Variants in IMMP1L observed in about 807,000 individuals in gnomAD.
IMMP1L encodes the protein mitochondrial inner membrane protease subunit 1.
IMMP1L carries 24 observed loss-of-function variants against 21.8 expected under a neutral mutation model. That is an observed-to-expected ratio of 1.10 (90% CI 0.80 to 1.55). IMMP1L has a LOEUF of 1.55. Among genes scored for constraint, IMMP1L ranks in the 40% most tolerant of loss-of-function variants. IMMP1L has a pLI of 0.00. For missense variants in IMMP1L, 195 were observed against 200.7 expected (o/e 0.97, Z 0.17); for synonymous variants, 46 against 62.8 (o/e 0.73, Z 1.26).
chr11:31,465,478 C>T (rs900976712), intron 1 of IMMP1L, among the ~76,000 whole-genome samples: 2 of 151,760 alleles, frequency 1.3e-5, no homozygotes, highest in Non-Finnish European at 2.9e-5. Context: ...ACCACAAGAC[C>T]CCAAATAACC....
intron 3 of IMMP1L, among the ~76,000 whole-genome samples, chr11:31,458,945 G>A (rs1954044199): frequency 6.6e-6 from 1 of 152,120 alleles, no homozygotes; most frequent in Non-Finnish European, 1.5e-5. Context: ...GGATGCCCAA[G>A]GATTATTGTG....
At position 31,487,724 on chromosome 11, in the gene IMMP1L, CA is replaced by C. The variant is rs528907903; in HGVS notation, c.-30+21794del. ...TTTAACAGTAAACTAACTTACATTA[CA>C]AAAAAACCCTACACAATTTACAAAA... On this transcript the variant is annotated intron_variant, in intron 1 of 5. Coordinates refer to ENST00000532287, the MANE Select transcript of IMMP1L (RefSeq NM_001304274.2). 3.9e-5 allele frequency among the ~76,000 whole-genome samples: 6 copies of C among 152,074 alleles called. No individual in the cohort carries two copies. The East Asian group carries it at 9.6e-4, about 24-fold the overall frequency.
chr11:31,450,168 A>C (rs1953693678), intron 4 of IMMP1L, among the ~76,000 whole-genome samples: 1 of 152,220 alleles, frequency 6.6e-6, no homozygotes, highest in Non-Finnish European at 1.5e-5. Flanking sequence ...AAAAGGACCA[A>C]AAGAACAAAT....
intron 1 of IMMP1L, among the ~76,000 whole-genome samples, chr11:31,478,809 G>A (rs1308336160): frequency 6.6e-6 from 1 of 151,870 alleles, no homozygotes; most frequent in African/African-American, 2.4e-5. Flanking sequence ...AAATTTCCTT[G>A]ATCATTTTAT....
chr11:31,463,006 A>G (rs892485658), intron 2 of IMMP1L, among the ~76,000 whole-genome samples, 166 bp downstream of exon 2: 5 of 152,174 alleles, frequency 3.3e-5, no homozygotes, highest in Admixed American at 3.3e-4. Context: ...GCCAATTCAA[A>G]CACACTCTCT....
intron 1 of IMMP1L, among the ~76,000 whole-genome samples, chr11:31,493,011 T>C (rs1228183353): frequency 2.0e-5 from 3 of 152,208 alleles, no homozygotes; most frequent in South Asian, 2.1e-4. Context: ...GACTTGCTAA[T>C]TGCAGGGTTG....
chr11:31,459,136 T>G (rs1954053351), intron 3 of IMMP1L, among the ~76,000 whole-genome samples: 1 of 152,150 alleles, frequency 6.6e-6, no homozygotes, highest in African/African-American at 2.4e-5. Flanking sequence ...TACAATTAAG[T>G]ATATAGAAGT....
intron 3 of IMMP1L, among the ~76,000 whole-genome samples, chr11:31,456,876 CAAAAAAAAAAAAA>C (rs56849120): frequency 3.9e-4 from 7 of 17,968 alleles, no homozygotes; most frequent in South Asian, 3.4e-3. Flanking sequence ...ACCATGTCTC[CAAAAAAAAAAAAA>C]AAAAAAAAAA....
chr11:31,470,282 G>A lies in IMMP1L; in HGVS notation c.-29-6977C>T, dbSNP rs892710776. ...TACAAAATTAGCCAGGTGTGGCAGC[G>A]CATGCCTGTAATCCCAGGTGCTCAG... On this transcript the variant is annotated intron_variant, in intron 1 of 5. Transcript: ENST00000532287. Among the ~76,000 whole-genome samples, 7 of 151,962 alleles carry A rather than the reference G, an allele frequency of 4.6e-5. No homozygotes were observed. The South Asian group carries it at 6.2e-4, about 14-fold the overall frequency.
chr11:31,496,986 CTT>C (rs888166636), intron 1 of IMMP1L, among the ~76,000 whole-genome samples: 1 of 121,512 alleles, frequency 8.2e-6, no homozygotes, highest in Non-Finnish European at 1.6e-5. Context: ...ATATGATAAT[CTT>C]ATATCATATA....
chr11:31,467,662 T>C (rs1445809396), intron 1 of IMMP1L, among the ~76,000 whole-genome samples: 1 of 152,030 alleles, frequency 6.6e-6, no homozygotes, highest in Admixed American at 6.6e-5. Context: ...GTAGAAGGAA[T>C]GGTAAAATTA....
At chr11:31,498,493 C>A (rs771854250) in intron 1 of IMMP1L, among the ~76,000 whole-genome samples, 1 of 152,132 alleles carries the variant, frequency 6.6e-6, no homozygotes. Flanking sequence ...TACCTATATT[C>A]CAGTTACTAC....
At chr11:31,464,412 G>A (rs1247489153) in intron 1 of IMMP1L, among the ~76,000 whole-genome samples, 1 of 152,042 alleles carries the variant, frequency 6.6e-6, no homozygotes, top group Admixed American at 6.6e-5. Flanking sequence ...CCAAAAAACT[G>A]GAAATTGAGG....
intron 3 of IMMP1L, among the ~76,000 whole-genome samples, chr11:31,459,166 G>T (rs1468658002): frequency 6.6e-6 from 1 of 152,184 alleles, no homozygotes; most frequent in Admixed American, 6.5e-5. Context: ...TAAAAGATTT[G>T]AAGAAGAATT....
chr11:31,437,279 C>CAT (rs977126041), intron 4 of IMMP1L: 6 of 284,872 alleles, frequency 2.1e-5, no homozygotes, highest in South Asian at 6.8e-5. Flanking sequence ...ATATACACCT[C>CAT]ATATATATAT....
At chr11:31,435,759 G>A (rs1953098165) in intron 4 of IMMP1L, among the ~76,000 whole-genome samples, 1 of 151,916 alleles carries the variant, frequency 6.6e-6, no homozygotes, top group Admixed American at 6.6e-5. Flanking sequence ...TTAGCCCTTT[G>A]TGGTACAAAT....
intron 4 of IMMP1L, chr11:31,448,933 A>C: frequency 6.1e-6 from 6 of 985,336 alleles, no homozygotes; most frequent in Non-Finnish European, 7.2e-6. Flanking sequence ...AGAATGAAAA[A>C]GTCACGTCAC....
chr11:31,478,859 G>A (rs1954803464), intron 1 of IMMP1L, among the ~76,000 whole-genome samples: 1 of 151,896 alleles, frequency 6.6e-6, no homozygotes, highest in Non-Finnish European at 1.5e-5. Context: ...CAAATAAATT[G>A]TAATTCAAGG....
intron 1 of IMMP1L, among the ~76,000 whole-genome samples, chr11:31,465,994 G>A (rs1954326485): frequency 1.3e-5 from 2 of 151,902 alleles, no homozygotes; most frequent in Non-Finnish European, 2.9e-5. Flanking sequence ...ATGTTGAATG[G>A]GAGAAAATAT....
Sources: gnomAD v4.1 joint callset for allele counts (sites outside exome capture counted in the v4.1 genomes callset) on GRCh38, gnomAD v4.1.1 for gene constraint, MANE v1.5 for transcripts, NCBI Gene and HGNC (gene_info 2026-07-23, HGNC 2026-07-21) for gene names.